PTPRN2: variants seen among roughly 807,000 people sequenced by gnomAD.
The protein encoded by PTPRN2 is receptor-type tyrosine-protein phosphatase N2.
PTPRN2 carries 74 observed loss-of-function variants against 118.8 expected under a neutral mutation model. The observed-to-expected ratio is 0.62, with a 90% CI of 0.52 to 0.76. The LOEUF (loss-of-function observed/expected upper bound fraction) is 0.76. Among genes scored for constraint, PTPRN2 ranks in the 30% least tolerant of loss-of-function variants. The pLI, the probability that PTPRN2 is intolerant of heterozygous loss-of-function variation, is 0.00. For synonymous variants in PTPRN2, 641 were observed against 608.0 expected, an observed-to-expected ratio of 1.05 and a Z score of -0.80; for missense variants, 1,481 against 1,394.4, an observed-to-expected ratio of 1.06 and a Z score of -0.99.
intron 11 of PTPRN2, among the ~76,000 whole-genome samples, chr7:158,023,935 CATGCAGACACACAT>C (rs552010363): frequency 9.7e-4 from 147 of 151,990 alleles, no homozygotes; most frequent in Middle Eastern, 3.4e-3. Flanking sequence ...CAGGCACACA[CATGCAGACACACAT>C]GCCGGCACAC....
Position 158,149,441 on chromosome 7 carries a change from T to TAAAA in PTPRN2, c.911-10930_911-10927dup, listed in dbSNP as rs112794279. Among the ~76,000 whole-genome samples the TAAAA allele has an allele frequency of 6.4e-3, 911 of 143,256 alleles. 7 individuals carry two copies. Among genetic ancestry groups the TAAAA allele is most frequent in the African/African-American group, 0.022 (867 of 39,120 alleles). The allele number at this position is 143,256 out of a possible 152,430, so 94.0% of individuals were successfully genotyped here. A position where few individuals can be genotyped will look rare whatever the true frequency, so the allele number is the denominator to read the frequency against. ...TAAGATGTTACCTTTTCTCAAGAGG[T>TAAAA]AAAAAAAAAAAAAAATCCTTATTTT... On this transcript the variant is annotated intron_variant, in intron 6 of 22. Coordinates refer to ENST00000389418, the MANE Select transcript of PTPRN2 (RefSeq NM_002847.5).
rs1796567739 is a variant in PTPRN2 at position 157,674,511 on chromosome 7, C to T, written c.2001+8214G>A. Among the ~76,000 whole-genome samples, 1 of 152,276 alleles carries T rather than the reference C, an allele frequency of 6.6e-6. No homozygotes were observed. Among genetic ancestry groups the T allele is most frequent in the Non-Finnish European group, 1.5e-5 (1 of 68,050 alleles). ...CGGCTCCAGCCATCATTCCTCATCC[C>T]ACCACCCCGCGCAGCGTCTTGCCTC... On this transcript the variant is annotated intron_variant, in intron 13 of 22. Coordinates refer to ENST00000389418, the MANE Select transcript of PTPRN2 (RefSeq NM_002847.5). The surrounding 1 kb of genome is among the most constrained non-coding windows in gnomAD (Gnocchi z 4.5).
At chr7:157,909,512 GC>G (rs1797963591) in intron 11 of PTPRN2, among the ~76,000 whole-genome samples, 1 of 152,366 alleles carries the variant, frequency 6.6e-6, no homozygotes, top group South Asian at 2.1e-4. Flanking sequence ...TCAGAACCTG[GC>G]CCTTGGCTGC....
chr7:158,199,662 T>C (rs1230100018), intron 4 of PTPRN2, among the ~76,000 whole-genome samples: 2 of 141,550 alleles, frequency 1.4e-5, no homozygotes, highest in Non-Finnish European at 3.3e-5. Flanking sequence ...TGAATACACA[T>C]GGAGTGGAGA....
At chr7:158,344,164 A>G (rs957983047) in intron 2 of PTPRN2, among the ~76,000 whole-genome samples, 2 of 152,158 alleles carry the variant, frequency 1.3e-5, no homozygotes, top group East Asian at 3.9e-4. Context: ...CGAGCAGCAA[A>G]GCGCAGGGCC....
intron 1 of PTPRN2, among the ~76,000 whole-genome samples, chr7:158,524,839 C>T (rs1423536538): frequency 1.3e-5 from 2 of 152,188 alleles, no homozygotes; most frequent in Non-Finnish European, 2.9e-5. Flanking sequence ...TTGGCTTTCA[C>T]AGCCCTCAAA....
rs188815104 is a variant in PTPRN2 at position 158,548,231 on chromosome 7, C to A, written c.112+39327G>T. 5.3e-5 allele frequency among the ~76,000 whole-genome samples: 8 copies of A among 152,362 alleles called. No homozygotes were observed. The South Asian group carries it at 1.7e-3, about 32-fold the overall frequency. ...GGTCATCTGTGCCTAGTGGATCAGA[C>A]GCTGTGAAGAGGAGTGTGTGCAAAC... is the stretch of plus-strand genomic sequence containing the variant. On this transcript the variant is annotated intron_variant, in intron 1 of 22. Transcript: ENST00000389418.
At chr7:158,195,620 T>A (rs1826152361) in intron 4 of PTPRN2, among the ~76,000 whole-genome samples, 1 of 149,180 alleles carries the variant, frequency 6.7e-6, no homozygotes, top group Admixed American at 6.6e-5. Context: ...TGGTGTTTTT[T>A]ATTTTTTTTT....
chr7:158,206,401 C>T (rs967799146), intron 3 of PTPRN2, among the ~76,000 whole-genome samples: 3 of 151,956 alleles, frequency 2.0e-5, no homozygotes, highest in African/African-American at 7.3e-5. Context: ...ACTACAGAGC[C>T]TTTGGGCCCT....
chr7:157,680,091 C>T (rs956559946), intron 13 of PTPRN2, among the ~76,000 whole-genome samples: 6 of 152,222 alleles, frequency 3.9e-5, no homozygotes, highest in Admixed American at 3.9e-4. Flanking sequence ...ACCTACCATT[C>T]TCTCTCTCCG....
intron 1 of PTPRN2, among the ~76,000 whole-genome samples, chr7:158,516,788 A>G (rs1490883052): frequency 6.9e-6 from 1 of 144,170 alleles, no homozygotes; most frequent in African/African-American, 2.6e-5. Flanking sequence ...GCTCCTGCCT[A>G]TTGCTCTTGG....
chr7:158,537,614 G>C (rs1208279724), intron 1 of PTPRN2: 1 of 152,608 alleles, frequency 6.6e-6, no homozygotes, highest in Non-Finnish European at 1.5e-5. Context: ...GCCAGAGGCA[G>C]GTGAGTCAGG....
chr7:157,658,780 A>G (rs917766979), intron 13 of PTPRN2, among the ~76,000 whole-genome samples: 3 of 152,338 alleles, frequency 2.0e-5, no homozygotes, highest in Admixed American at 2.0e-4. Flanking sequence ...GAAAAAGTTT[A>G]TAAGAGAACT....
chr7:157,965,320 C>G (rs1801844756), intron 11 of PTPRN2, among the ~76,000 whole-genome samples: 1 of 152,174 alleles, frequency 6.6e-6, no homozygotes, highest in African/African-American at 2.4e-5. Flanking sequence ...TTAGCTGGAG[C>G]ATAGCCCTTT....
chr7:157,607,173 C>T (rs1802053153), intron 15 of PTPRN2, among the ~76,000 whole-genome samples: 2 of 152,192 alleles, frequency 1.3e-5, no homozygotes, highest in Non-Finnish European at 2.9e-5. Flanking sequence ...AATTGTAATA[C>T]AAATCATCAG....
At chr7:157,545,111 GGT>G (rs1339675648) in intron 22 of PTPRN2, among the ~76,000 whole-genome samples, 10 of 150,066 alleles carry the variant, frequency 6.7e-5, no homozygotes, top group South Asian at 2.1e-4. Context: ...TGGGTGTGTA[GGT>G]GTGTGTGGGG....
rs542248195 is a variant in PTPRN2, at chr7:157,670,997, AC to A, written c.2001+11727del. Among the ~76,000 whole-genome samples, 14 of 151,984 alleles carry A rather than the reference AC, an allele frequency of 9.2e-5. No individual in the cohort carries two copies. The South Asian group carries it at 2.9e-3, about 32-fold the overall frequency. ...ATTTTCATGTGCCATCCCTGTCATC[AC>A]CCGCATCTTCAGCCTGCAGCGCGTA... On this transcript the variant is annotated intron_variant, in intron 13 of 22. Coordinates refer to ENST00000389418, the MANE Select transcript of PTPRN2 (RefSeq NM_002847.5).
chr7:158,020,659 C>T (rs1036499782), intron 11 of PTPRN2, among the ~76,000 whole-genome samples: 2 of 152,156 alleles, frequency 1.3e-5, no homozygotes, highest in Admixed American at 6.5e-5. Context: ...CCTCCTCTGA[C>T]GTGGCTGTCT....
Position 158,081,247 on chromosome 7 carries a change from TGTGTGCACACACGTGTGTGTGC to T in PTPRN2, c.1723+29_1723+50del, listed in dbSNP as rs764756371. The T allele has an allele frequency of 1.2e-4, 175 of 1,512,738 alleles. 1 individual carries two copies. In the South Asian group the frequency reaches 1.8e-3, roughly 15 times the overall value. The allele number at this position is 1,512,738 out of a possible 1,614,324, so 93.7% of individuals were successfully genotyped here. On this transcript the variant is annotated intron_variant, in intron 11 of 22. Transcript: ENST00000389418. Reference sequence around the variant, plus strand: ...GCATGTGCGTGTTTGCGTGCGTGTGTGTGTGCACACACGTGTGTGTGCGTGTACGTGTGTGTGGAAACAGCCT... The same window carrying T: ...GCATGTGCGTGTTTGCGTGCGTGTGTGTGTACGTGTGTGTGGAAACAGCCT...
Sources: allele counts gnomAD v4.1 joint callset (sites outside exome capture counted in the v4.1 genomes callset), GRCh38; gene constraint gnomAD v4.1.1; non-coding constraint Gnocchi (gnomAD v3.1); transcripts MANE v1.5; gene names NCBI Gene and HGNC (gene_info 2026-07-23, HGNC 2026-07-21).